The following RALYL variants were observed in gnomAD, a reference collection of about 807,000 sequenced individuals.
The protein encoded by RALYL is RNA-binding Raly-like protein.
A neutral mutation model predicts 35.1 loss-of-function variants in RALYL; 29 were observed. The ratio of observed to expected loss-of-function variants is 0.83; its 90% CI spans 0.61 to 1.13. The LOEUF (loss-of-function observed/expected upper bound fraction) is 1.13. RALYL is among the 50% of genes most tolerant of loss of function. RALYL has a pLI of 0.00. For missense variants in RALYL, 359 were observed against 360.4 expected (o/e 1.00, Z 0.03); for synonymous variants, 120 against 127.6 (o/e 0.94, Z 0.40).
chr8:84,843,436 A>G (rs1409217825), intron 4 of RALYL, among the ~76,000 whole-genome samples: 2 of 152,164 alleles, frequency 1.3e-5, no homozygotes, highest in Non-Finnish European at 1.5e-5. Flanking sequence ...CTTCAAGGAG[A>G]ACTACAAACC....
intron 2 of RALYL, among the ~76,000 whole-genome samples, chr8:84,742,377 G>A (rs185699163): frequency 3.4e-4 from 52 of 151,996 alleles, no homozygotes; most frequent in African/African-American, 1.2e-3. Context: ...TTAGACAATT[G>A]CAAGTGTTAC....
intron 2 of RALYL, among the ~76,000 whole-genome samples, chr8:84,650,458 A>C (rs1452536855): frequency 1.3e-5 from 2 of 152,092 alleles, no homozygotes; most frequent in Non-Finnish European, 2.9e-5. Flanking sequence ...GCAGCCAAAA[A>C]ACACATGAAA....
intron 1 of RALYL, among the ~76,000 whole-genome samples, chr8:84,295,168 A>G (rs915303830): frequency 6.6e-6 from 1 of 152,094 alleles, no homozygotes; most frequent in Non-Finnish European, 1.5e-5. Context: ...TTTGTTGAGA[A>G]TTGGAAGTTT....
At position 84,862,296 on chromosome 8, in the gene RALYL, G is replaced by A; in HGVS notation, c.414G>A (p.Arg138=). The A allele has an allele frequency of 6.5e-7, 1 of 1,548,726 alleles. No individual in the cohort carries two copies. The highest frequency in any genetic ancestry group is 1.2e-5 in the South Asian group (1 of 81,680). ...TCAGTCCCATTTGTGTTTTGTAAAG[G>A]TTATTTGATTACCACGGGCGTGTGC... ...YDYYRDDFYN[R]LFDYHGRVPP... The change falls in exon 6 of 9, where the codon CGG becomes CGA. Residue 138 remains arginine (R), a splice_region_variant and synonymous_variant. Coordinates refer to ENST00000521268, the MANE Select transcript of RALYL (RefSeq NM_173848.7).
chr8:84,707,457 A>G (rs956613933), intron 2 of RALYL, among the ~76,000 whole-genome samples: 1 of 152,058 alleles, frequency 6.6e-6, no homozygotes, highest in African/African-American at 2.4e-5. Flanking sequence ...CAATGCCTTA[A>G]TGCACATGGA....
intron 1 of RALYL, among the ~76,000 whole-genome samples, chr8:84,249,241 G>C (rs543237774): frequency 1.3e-5 from 2 of 152,158 alleles, no homozygotes; most frequent in Non-Finnish European, 2.9e-5. Flanking sequence ...AAATTAAAAA[G>C]TTGTTATTTA....
intron 8 of RALYL, among the ~76,000 whole-genome samples, chr8:84,913,022 G>A (rs1180415163): frequency 5.2e-5 from 6 of 114,470 alleles, no homozygotes; most frequent in South Asian, 2.8e-4. Context: ...ATGGATGGAT[G>A]GATGGATGGA....
intron 1 of RALYL, among the ~76,000 whole-genome samples, chr8:84,274,743 T>G (rs16912630): frequency 0.08 from 12,094 of 152,072 alleles, 547 homozygotes; most frequent in East Asian, 0.12. Context: ...TTATTGAAAG[T>G]CTCCTATATT....
chr8:84,395,743 A>G (rs1211854449), intron 1 of RALYL, among the ~76,000 whole-genome samples: 1 of 151,936 alleles, frequency 6.6e-6, no homozygotes, highest in Non-Finnish European at 1.5e-5. Context: ...ATTTTAAAAT[A>G]TACTCTCTTT....
chr8:84,477,570 T>C (rs1410256564), intron 1 of RALYL, among the ~76,000 whole-genome samples: 1 of 150,290 alleles, frequency 6.7e-6, no homozygotes, highest in Non-Finnish European at 1.5e-5. Flanking sequence ...ATACGATATA[T>C]ATTTTTGCTT....
intron 8 of RALYL, among the ~76,000 whole-genome samples, chr8:84,897,928 C>T (rs556906330): frequency 6.4e-4 from 98 of 152,202 alleles, no homozygotes; most frequent in African/African-American, 2.3e-3. Flanking sequence ...ATAAGTCATA[C>T]AATCGGGTGT....
intron 2 of RALYL, among the ~76,000 whole-genome samples, chr8:84,591,715 G>A (rs776971030): frequency 2.6e-5 from 4 of 152,190 alleles, no homozygotes; most frequent in South Asian, 2.1e-4. Flanking sequence ...CTTCTACATC[G>A]TGAACTGAAG....
intron 1 of RALYL, among the ~76,000 whole-genome samples, chr8:84,497,624 T>G (rs1409211603): frequency 6.7e-6 from 1 of 149,810 alleles, no homozygotes; most frequent in African/African-American, 2.5e-5. Context: ...TTTTGTTTTT[T>G]TTGTTGTTTT....
At chr8:84,370,360 T>A (rs80198683) in intron 1 of RALYL, among the ~76,000 whole-genome samples, 3,077 of 152,052 alleles carry the variant, frequency 0.02, 87 homozygotes, top group African/African-American at 0.07. Context: ...TTGTCAAGAA[T>A]AAGAAGTTAT....
chr8:84,369,479 C>A (rs1372324099), intron 1 of RALYL, among the ~76,000 whole-genome samples: 1 of 151,974 alleles, frequency 6.6e-6, no homozygotes, highest in Non-Finnish European at 1.5e-5. Flanking sequence ...CTCTTCAACC[C>A]AGTTAAGTTG....
intron 1 of RALYL, among the ~76,000 whole-genome samples, chr8:84,520,740 G>T (rs927989208): frequency 6.6e-6 from 1 of 152,108 alleles, no homozygotes; most frequent in Non-Finnish European, 1.5e-5. Context: ...TCTATGTTGC[G>T]TGCTCCTTAC....
At chr8:84,668,518 T>G (rs1832537954) in intron 2 of RALYL, among the ~76,000 whole-genome samples, 1 of 152,036 alleles carries the variant, frequency 6.6e-6, no homozygotes, top group Non-Finnish European at 1.5e-5. Context: ...ATAGAGTGCC[T>G]GGGTGGAAGT....
intron 1 of RALYL, among the ~76,000 whole-genome samples, chr8:84,205,758 G>A (rs1376830866): frequency 2.0e-5 from 3 of 152,126 alleles, no homozygotes; most frequent in Non-Finnish European, 4.4e-5. Flanking sequence ...CATCAGTTTA[G>A]CAAATAAATG....
intron 1 of RALYL, among the ~76,000 whole-genome samples, chr8:84,374,385 A>G (rs1856517132): frequency 6.6e-6 from 1 of 151,916 alleles, no homozygotes; most frequent in African/African-American, 2.4e-5. Flanking sequence ...TGTTCCATCA[A>G]TAACTATTTT....
Sources: gnomAD v4.1 joint callset for allele counts (sites outside exome capture counted in the v4.1 genomes callset) on GRCh38, gnomAD v4.1.1 for gene constraint, MANE v1.5 for transcripts, NCBI Gene and HGNC (gene_info 2026-07-23, HGNC 2026-07-21) for gene names.